The following MED1 variants were observed in gnomAD, a reference collection of about 807,000 sequenced individuals.
MED1 encodes mediator complex subunit 1.
Under a neutral mutation model 121.3 loss-of-function variants are expected in MED1, and 17 were observed. The observed-to-expected ratio is 0.14, with a 90% CI of 0.10 to 0.21. The LOEUF (loss-of-function observed/expected upper bound fraction) is 0.21, where lower values mean the gene tolerates loss of function less well. MED1 is among the 10% of genes least tolerant of loss of function. MED1 has a pLI of 1.00. For synonymous variants in MED1, 661 were observed against 694.4 expected, an observed-to-expected ratio of 0.95 and a Z score of 0.76; for missense variants, 1,558 against 1,919.4, an observed-to-expected ratio of 0.81 and a Z score of 3.52.
At chr17:39,427,646 A>G (rs201964918) in intron 10 of MED1, 55 bp downstream of exon 10, 2 of 1,332,194 alleles carry the variant, frequency 1.5e-6, no homozygotes, top group Non-Finnish European at 2.1e-6. Context: ...CCAGAAATTA[A>G]AGGCAAGCTG....
chr17:39,424,727 A>G lies in MED1; in HGVS notation c.751T>C (p.Leu251=). The G allele has an allele frequency of 6.3e-7, 1 of 1,598,940 alleles. No individual in the cohort carries two copies. The highest frequency in any genetic ancestry group is 8.6e-7 in the Non-Finnish European group (1 of 1,168,866). The part of the protein sequence containing the change: ...ILHENNVSRS[L]GMNASVTIEG... Reference sequence around the variant, plus strand: ...ATTGTCACTGATGCATTCATGCCCAAAGATCGAGAAACTGGGGATAGGAAA... The same window carrying G: ...ATTGTCACTGATGCATTCATGCCCAGAGATCGAGAAACTGGGGATAGGAAA... Residue 251 remains leucine, a synonymous_variant, in exon 11 of 17, where the codon TTG becomes CTG. Coordinates refer to ENST00000300651, the MANE Select transcript of MED1 (RefSeq NM_004774.4).
Position 39,423,377 on chromosome 17 carries a change from A to G in MED1, c.1045T>C (p.Ser349Pro), listed in dbSNP as rs758667191. 6.2e-7 allele frequency: 1 copy of G among 1,614,028 alleles called. No homozygotes were observed. Among genetic ancestry groups the G allele is most frequent in the Non-Finnish European group, 8.5e-7 (1 of 1,179,930 alleles). Residue 349 changes from serine (S) to proline (P), a missense_variant, in exon 13 of 17, where the codon TCA becomes CCA. Physicochemically the swap from Ser to Pro is moderately conservative, Grantham distance 74. Around this residue, in one of 5 missense-constraint regions of MED1, gnomAD observed 443 missense variants for 532.4 expected, o/e 0.83. Transcript: ENST00000300651. ...AAAGGTATGGGGTCAGGGTCCTTTG[A>G]TAGCTCAAACTGAGTGATCAGTTCA... Reference protein sequence around the residue: ...LYELITQFELSKDPDPIPLNH... With the variant: ...LYELITQFELPKDPDPIPLNH...
rs1048069823 is a variant in MED1 at position 39,419,602 on chromosome 17, A to G, written c.1297+115T>C. The G allele has an allele frequency of 7.2e-5, 76 of 1,057,516 alleles. No individual in the cohort carries two copies. The African/African-American group carries it at 1.2e-3, about 16-fold the overall frequency. 65.5% of individuals were successfully genotyped at this position (1,057,516 alleles called of 1,614,324 possible). ...TGCTTGATTTTTATGCCAAATATGA[A>G]AAAAAAAAAACTTTTTTTAAGTTCT... On this transcript the variant is annotated intron_variant, in intron 14 of 16. Coordinates refer to ENST00000300651, the MANE Select transcript of MED1 (RefSeq NM_004774.4).
At chr17:39,448,909 CAAATAAATA>C (rs2048755252) in intron 1 of MED1, among the ~76,000 whole-genome samples, 1 of 151,940 alleles carries the variant, frequency 6.6e-6, no homozygotes, top group Non-Finnish European at 1.5e-5. Flanking sequence ...AACTCTGTCT[CAAATAAATA>C]AATAAATAAA....
intron 1 of MED1, among the ~76,000 whole-genome samples, chr17:39,448,681 G>A (rs1261385806): frequency 1.3e-5 from 2 of 152,102 alleles, no homozygotes; most frequent in Non-Finnish European, 2.9e-5. Flanking sequence ...AGGCCAAGGC[G>A]GGTGGATCAC....
chr17:39,443,853 G>A (rs1440106950), intron 2 of MED1, among the ~76,000 whole-genome samples: 2 of 152,110 alleles, frequency 1.3e-5, no homozygotes, highest in East Asian at 3.9e-4. Flanking sequence ...TCCTCAGCCA[G>A]GCACGTGGCT....
chr17:39,434,212 T>G (rs1166715702), intron 7 of MED1, 37 bp downstream of exon 7: 1 of 1,430,842 alleles, frequency 7.0e-7, no homozygotes, highest in East Asian at 2.4e-5. Context: ...TTATACTGAT[T>G]TTTACAAACA....
At position 39,443,585 on chromosome 17, in the gene MED1, A is replaced by C; in HGVS notation, c.176T>G (p.Val59Gly). Reference protein sequence around the residue: ...VMSSGGHQHLVSCLETLQKAL... With the variant: ...VMSSGGHQHLGSCLETLQKAL... ...CTTCTGCAATGTCTCCAAACAGCTGACCAAATGTTGATGCCCTCCAGAACT... is the reference window on the plus strand; with the variant it reads ...CTTCTGCAATGTCTCCAAACAGCTGCCCAAATGTTGATGCCCTCCAGAACT... The change falls in exon 3 of 17, where the codon GTC (valine) becomes GGC (glycine). Residue 59 changes from valine (V) to glycine (G), a missense_variant. Val to Gly is a moderately radical substitution (Grantham distance 109). Coordinates refer to ENST00000300651, the MANE Select transcript of MED1 (RefSeq NM_004774.4). 6.2e-7 allele frequency: 1 copy of C among 1,614,056 alleles called. No homozygotes were observed. Among genetic ancestry groups the C allele is most frequent in the South Asian group, 1.1e-5 (1 of 91,082 alleles).
intron 14 of MED1, among the ~76,000 whole-genome samples, chr17:39,417,903 G>A (rs1168937542): frequency 2.6e-5 from 4 of 151,200 alleles, no homozygotes; most frequent in South Asian, 2.1e-4. Context: ...GGTGGATCAC[G>A]AGGTCAGGAG....
In MED1 at chr17:39,443,456, T is replaced by C. The variant is rs529987091; in HGVS notation, c.211+94A>G. On this transcript the variant is annotated intron_variant, in intron 3 of 16. Coordinates refer to ENST00000300651, the MANE Select transcript of MED1 (RefSeq NM_004774.4). ...CAATATCTAATACATAAAGTTGACC[T>C]ACCTCAATTTTTTACTTCTAGTTTA... 136 of 1,016,166 alleles carry C rather than the reference T, an allele frequency of 1.3e-4. 1 individual carries two copies. The South Asian group carries it at 1.8e-3, about 14-fold the overall frequency. The allele number at this position is 1,016,166 out of a possible 1,614,324, so 62.9% of individuals were successfully genotyped here.
At chr17:39,420,215 TTTG>T (rs2048448577) in intron 13 of MED1, among the ~76,000 whole-genome samples, 1 of 151,048 alleles carries the variant, frequency 6.6e-6, no homozygotes. Flanking sequence ...TTTTTTTTTT[TTTG>T]AGACAGAGTC....
intron 16 of MED1, among the ~76,000 whole-genome samples, chr17:39,413,868 G>A (rs2048378390): frequency 7.0e-6 from 1 of 142,408 alleles, no homozygotes; most frequent in South Asian, 2.2e-4. Flanking sequence ...TTCCAGGCCT[G>A]AAGTTACCTA....
intron 14 of MED1, among the ~76,000 whole-genome samples, chr17:39,415,909 C>A (rs1386887442): frequency 2.0e-5 from 3 of 147,964 alleles, no homozygotes; most frequent in Middle Eastern, 3.3e-3. Flanking sequence ...AGAATCGTTT[C>A]AACCTGGGAG....
chr17:39,442,105 G>GAA (rs574334906), intron 3 of MED1, among the ~76,000 whole-genome samples: 20 of 102,382 alleles, frequency 2.0e-4, no homozygotes, highest in Admixed American at 4.3e-4. Context: ...ACTGTCTCCA[G>GAA]AAAAAAAAAA....
At chr17:39,446,926 C>A (rs951788366) in intron 2 of MED1, among the ~76,000 whole-genome samples, 1 of 151,974 alleles carries the variant, frequency 6.6e-6, no homozygotes, top group African/African-American at 2.4e-5. Context: ...GATGATAAGA[C>A]CTGGTCTCAA....
chr17:39,449,493 T>C (rs2048760783), intron 1 of MED1, among the ~76,000 whole-genome samples: 2 of 150,052 alleles, frequency 1.3e-5, no homozygotes, highest in Admixed American at 1.4e-4. Context: ...TTTTTTATTT[T>C]ATTTATTTTC....
At chr17:39,437,100 T>C (rs985318481) in intron 6 of MED1, among the ~76,000 whole-genome samples, 5 of 152,104 alleles carry the variant, frequency 3.3e-5, no homozygotes, top group African/African-American at 1.2e-4. Flanking sequence ...GCACGGCTAA[T>C]TTTGTATTTT....
Position 39,440,335 on chromosome 17 carries a change from A to G in MED1, c.399+51T>C, listed in dbSNP as rs755773184. On this transcript the variant is annotated intron_variant, in intron 5 of 16. Coordinates refer to ENST00000300651, the MANE Select transcript of MED1 (RefSeq NM_004774.4). The surrounding 1 kb of genome is among the most constrained non-coding windows in gnomAD (Gnocchi z 4.1). ...ACCCCAACAATTAATTTTAAAATTA[A>G]TGTCCCTAAGTAAACCCCACAGATT... The G allele has an allele frequency of 2.3e-5, 35 of 1,499,116 alleles. No homozygotes were observed. The highest frequency in any genetic ancestry group is 2.8e-5 in the Non-Finnish European group (32 of 1,128,256). 92.9% of individuals were successfully genotyped at this position (1,499,116 alleles called of 1,614,324 possible). A position where few individuals can be genotyped will look rare whatever the true frequency, so the allele number is the denominator to read the frequency against.
Position 39,424,610 on chromosome 17 carries a change from AATT to A in MED1, c.851+14_851+16del. 1 of 1,517,796 alleles carries A rather than the reference AATT, an allele frequency of 6.6e-7. No individual in the cohort carries two copies. The highest frequency in any genetic ancestry group is 1.2e-5 in the South Asian group (1 of 84,214). 94.0% of individuals were successfully genotyped at this position (1,517,796 alleles called of 1,614,324 possible). On this transcript the variant is annotated intron_variant, in intron 11 of 16. Coordinates refer to ENST00000300651, the MANE Select transcript of MED1 (RefSeq NM_004774.4). ...AGAAAAATTGACTTTGCTACTCTAA[AATT>A]ATATTTAACTTACCATTTATTGTCA...
Sources: allele counts gnomAD v4.1 joint callset (sites outside exome capture counted in the v4.1 genomes callset), GRCh38; gene constraint gnomAD v4.1.1; regional missense constraint gnomAD v4.1.1; non-coding constraint Gnocchi (gnomAD v3.1); transcripts MANE v1.5; gene names NCBI Gene and HGNC (gene_info 2026-07-23, HGNC 2026-07-21).